The following KCNMB3 variants were observed in gnomAD, a reference collection of about 807,000 sequenced individuals.
KCNMB3 encodes the protein calcium-activated potassium channel subunit beta-3.
A neutral mutation model predicts 11.9 loss-of-function variants in KCNMB3; 18 were observed. The ratio of observed to expected loss-of-function variants is 1.51; its 90% CI spans 1.04 to 2.23. The LOEUF (loss-of-function observed/expected upper bound fraction) is 2.23, where lower values mean the gene tolerates loss of function less well. Ranked by LOEUF, KCNMB3 falls within the 30% of genes most tolerant of loss-of-function variation. The pLI, the probability that KCNMB3 is intolerant of heterozygous loss-of-function variation, is 0.00. For synonymous variants in KCNMB3, 78 were observed against 119.2 expected (o/e 0.65, Z 2.25); for missense variants, 247 against 329.4 (o/e 0.75, Z 1.94).
At chr3:179,247,654 C>T (rs1360633076) in intron 1 of KCNMB3, among the ~76,000 whole-genome samples, 1 of 152,126 alleles carries the variant, frequency 6.6e-6, no homozygotes, top group African/African-American at 2.4e-5. Context: ...TCCTGGCGTC[C>T]ATTAAATGAA....
chr3:179,241,277 T>C (rs905128874), downstream of KCNMB3: 2 of 152,640 alleles, frequency 1.3e-5, no homozygotes, highest in African/African-American at 4.8e-5. Context: ...CCCCATTTTA[T>C]AGATGAGAAA....
intron 1 of KCNMB3, among the ~76,000 whole-genome samples, chr3:179,245,379 C>G (rs369638525): frequency 6.6e-6 from 1 of 152,158 alleles, no homozygotes; most frequent in African/African-American, 2.4e-5. Flanking sequence ...AGAATACTTA[C>G]CATATTTTTG....
chr3:179,260,271 T>C, intron 1 of KCNMB3: 3 of 1,614,048 alleles, frequency 1.9e-6, no homozygotes, highest in Non-Finnish European at 2.5e-6. Flanking sequence ...CATGACCTCA[T>C]TTGACTCAAC....
upstream of KCNMB3, among the ~76,000 whole-genome samples, chr3:179,253,679 G>A (rs1447600309): frequency 2.6e-5 from 4 of 151,990 alleles, no homozygotes; most frequent in Admixed American, 1.3e-4. Flanking sequence ...GGTGGCATGC[G>A]CCTGTAATCA....
At chr3:179,260,299 GGA>G in intron 1 of KCNMB3, 1 of 1,613,984 alleles carries the variant, frequency 6.2e-7, no homozygotes, top group South Asian at 1.1e-5. Flanking sequence ...GTGTTTTCAG[GGA>G]GAGAAGCGCT....
chr3:179,244,666 A>T lies in KCNMB3; in HGVS notation c.276T>A (p.Thr92=). 1 of 1,613,984 alleles carries T rather than the reference A, an allele frequency of 6.2e-7. No homozygotes were observed. ...LSIQREESTC[T]AIHTDIMDDW... ...CGTCCATGATATCTGTGTGGATGGC[A>T]GTGCAGGTCGATTCTTCTCTCTGAA... Residue 92 remains threonine, a synonymous_variant, in exon 2 of 3, where the codon ACT becomes ACA. Coordinates refer to ENST00000392685, the MANE Select transcript of KCNMB3 (RefSeq NM_171830.2).
In KCNMB3 at chr3:179,242,782, A is replaced by C; in HGVS notation, c.*122T>G. On this transcript the variant is annotated 3_prime_UTR_variant, in exon 3 of 3. Transcript: ENST00000392685. Reference sequence around the variant, plus strand: ...ATGAGGCTTTTAAATTTTTTCCCACATGAAAATATGATACTTTAATTATTA... The same window carrying C: ...ATGAGGCTTTTAAATTTTTTCCCACCTGAAAATATGATACTTTAATTATTA... 1 of 1,402,966 alleles carries C rather than the reference A, an allele frequency of 7.1e-7. No individual in the cohort carries two copies. The highest frequency in any genetic ancestry group is 1.9e-5 in the South Asian group (1 of 53,934). 86.9% of individuals were successfully genotyped at this position (1,402,966 alleles called of 1,614,324 possible). A position where few individuals can be genotyped will look rare whatever the true frequency, so the allele number is the denominator to read the frequency against.
chr3:179,251,241 T>C, upstream of KCNMB3: 3 of 1,503,422 alleles, frequency 2.0e-6, no homozygotes, highest in South Asian at 1.3e-5. Context: ...AAATAAGTGT[T>C]ACGAACTTTG....
chr3:179,255,277 G>A (rs946082247), upstream of KCNMB3, among the ~76,000 whole-genome samples: 8 of 151,360 alleles, frequency 5.3e-5, no homozygotes, highest in Admixed American at 1.3e-4. Flanking sequence ...TGAGATCCAC[G>A]AAAAATTTCA....
At chr3:179,266,778 G>A (rs1726381895) in exon 1 of KCNMB3, 5 of 1,595,604 alleles carry the variant, frequency 3.1e-6, no homozygotes, top group East Asian at 2.2e-5. Context: ...CAAGAAAGGT[G>A]AAGCTTAGAC....
chr3:179,250,831 C>G lies in KCNMB3; in HGVS notation c.160G>C (p.Ala54Pro). Residue 54 changes from alanine (A) to proline (P), a missense_variant, in exon 1 of 3, where the codon GCC becomes CCC. Physicochemically the swap from Ala to Pro is conservative, Grantham distance 27. This residue lies in a region of KCNMB3 where 160 missense variants were observed against 157.5 expected (regional missense o/e 1.02). Transcript: ENST00000392685. ...RLPSSAGEDR[A>P]VMLGFAMMGF... The stretch of plus-strand genomic sequence containing the variant: ...ATCATGGCAAACCCCAGCATCACGG[C>G]TCGGTCCTCTCCAGCACTGGATGGC... The G allele has an allele frequency of 6.2e-7, 1 of 1,614,182 alleles. No homozygotes were observed. Among genetic ancestry groups the G allele is most frequent in the Non-Finnish European group, 8.5e-7 (1 of 1,180,032 alleles).
At chr3:179,260,989 G>C (rs1375538010) in intron 1 of KCNMB3, 1 of 977,466 alleles carries the variant, frequency 1.0e-6, no homozygotes, top group Non-Finnish European at 1.6e-6. Flanking sequence ...CCTCGGTGTC[G>C]ATGGATATAG....
intron 1 of KCNMB3, among the ~76,000 whole-genome samples, chr3:179,247,273 C>T (rs1725672098): frequency 6.6e-6 from 1 of 152,128 alleles, no homozygotes; most frequent in African/African-American, 2.4e-5. Flanking sequence ...CCTGTGCACA[C>T]ACACGGACAT....
In KCNMB3 at chr3:179,243,106, C is replaced by A; in HGVS notation, c.626G>T (p.Cys209Phe). ...KKYDQMAIFH[C>F]LFWPSLTLLG... ...CAGAGTCAGTGAAGGCCAAAATAAA[C>A]AGTGGAAGATAGCCATTTGGTCATA... is the stretch of plus-strand genomic sequence containing the variant. The change falls in exon 3 of 3, where the codon TGT becomes TTT. Residue 209 changes from cysteine to phenylalanine, a missense_variant. Around this residue, in one of 2 missense-constraint regions of KCNMB3, gnomAD observed 87 missense variants for 171.9 expected, o/e 0.51. Coordinates refer to ENST00000392685, the MANE Select transcript of KCNMB3 (RefSeq NM_171830.2). 1 of 1,547,672 alleles carries A rather than the reference C, an allele frequency of 6.5e-7. No individual in the cohort carries two copies. Among genetic ancestry groups the A allele is most frequent in the Admixed American group, 1.9e-5 (1 of 53,582 alleles).
At chr3:179,248,284 G>A (rs554682930) in intron 1 of KCNMB3, among the ~76,000 whole-genome samples, 1 of 152,148 alleles carries the variant, frequency 6.6e-6, no homozygotes, top group Non-Finnish European at 1.5e-5. Context: ...GGTTTAAGTA[G>A]GATAAAATAT....
chr3:179,247,823 G>T (rs886175915), intron 1 of KCNMB3, among the ~76,000 whole-genome samples: 1 of 151,964 alleles, frequency 6.6e-6, no homozygotes, highest in Non-Finnish European at 1.5e-5. Context: ...GGCAGGAGAT[G>T]AATCATAAAT....
chr3:179,259,733 GTTCT>G, intron 1 of KCNMB3: 1 of 1,593,228 alleles, frequency 6.3e-7, no homozygotes, highest in Non-Finnish European at 8.5e-7. Flanking sequence ...TCTTTTTCTT[GTTCT>G]TTCTCTTCTG....
upstream of KCNMB3, among the ~76,000 whole-genome samples, chr3:179,255,457 A>G (rs548055371): frequency 3.3e-5 from 5 of 152,284 alleles, no homozygotes. Flanking sequence ...ATGAACAGAC[A>G]TAACACTCAA....
intron 1 of KCNMB3, among the ~76,000 whole-genome samples, chr3:179,247,508 T>G (rs1475598560): frequency 6.6e-6 from 1 of 150,962 alleles, no homozygotes; most frequent in African/African-American, 2.4e-5. Flanking sequence ...AAAAAAAAAG[T>G]TTAAAAAAAA....
Sources: allele counts gnomAD v4.1 joint callset (sites outside exome capture counted in the v4.1 genomes callset), GRCh38; gene constraint gnomAD v4.1.1; regional missense constraint gnomAD v4.1.1; transcripts MANE v1.5; gene names NCBI Gene and HGNC (gene_info 2026-07-23, HGNC 2026-07-21).